The following CCDC91 variants were observed in gnomAD, a reference collection of about 807,000 sequenced individuals.
CCDC91 encodes coiled-coil domain-containing protein 91.
In CCDC91, 48 loss-of-function variants were observed where a neutral mutation model predicts 63.2. That is an observed-to-expected ratio of 0.76 (90% confidence interval 0.60 to 0.97). The LOEUF is 0.97. CCDC91 is among the 50% of genes least tolerant of loss of function. The pLI is 0.00. For synonymous variants in CCDC91, 167 were observed against 165.8 expected (o/e 1.01, Z -0.06); for missense variants, 500 against 494.6 (o/e 1.01, Z -0.10).
At chr12:28,473,313 T>G (rs1486286717) in intron 11 of CCDC91, among the ~76,000 whole-genome samples, 1 of 152,120 alleles carries the variant, frequency 6.6e-6, no homozygotes, top group African/African-American at 2.4e-5. Flanking sequence ...AGACAGAAAT[T>G]AATAGAACTG....
chr12:28,495,387 A>G (rs963213538), intron 12 of CCDC91, among the ~76,000 whole-genome samples: 1 of 151,638 alleles, frequency 6.6e-6, no homozygotes, highest in Non-Finnish European at 1.5e-5. Context: ...TTTTGTTCAT[A>G]TGATTCATCT....
chr12:28,223,516 A>G (rs977128161), intron 1 of CCDC91, among the ~76,000 whole-genome samples: 5 of 151,960 alleles, frequency 3.3e-5, no homozygotes, highest in South Asian at 2.1e-4. Flanking sequence ...ACTACCTGGC[A>G]CTCATTTCTT....
intron 3 of CCDC91, among the ~76,000 whole-genome samples, chr12:28,279,352 A>C (rs919417440): frequency 6.6e-6 from 1 of 152,136 alleles, no homozygotes; most frequent in Non-Finnish European, 1.5e-5. Flanking sequence ...CCCTCAAGTT[A>C]AGTACAGAAG....
At chr12:28,230,679 C>T (rs1944533510) in intron 1 of CCDC91, among the ~76,000 whole-genome samples, 1 of 152,008 alleles carries the variant, frequency 6.6e-6, no homozygotes, top group African/African-American at 2.4e-5. Context: ...GGCTGGAGTG[C>T]AGTGGTGTGA....
chr12:28,462,500 T>G (rs971811834), intron 11 of CCDC91, among the ~76,000 whole-genome samples: 2 of 151,942 alleles, frequency 1.3e-5, no homozygotes, highest in Non-Finnish European at 2.9e-5. Flanking sequence ...ACTAAGACAG[T>G]TGTAAGAAGC....
At chr12:28,468,447 GAA>G (rs1263780640) in intron 11 of CCDC91, among the ~76,000 whole-genome samples, 2 of 151,738 alleles carry the variant, frequency 1.3e-5, no homozygotes, top group Non-Finnish European at 1.5e-5. Context: ...AAAGCTGTAA[GAA>G]AAAGTCTCTC....
At chr12:28,244,778 G>C (rs954407417) in intron 1 of CCDC91, among the ~76,000 whole-genome samples, 1 of 151,192 alleles carries the variant, frequency 6.6e-6, no homozygotes. Flanking sequence ...CCAAGAGCAA[G>C]CAATACAAGA....
intron 8 of CCDC91, among the ~76,000 whole-genome samples, chr12:28,429,632 A>G (rs1163862051): frequency 1.3e-5 from 2 of 152,146 alleles, no homozygotes; most frequent in Non-Finnish European, 2.9e-5. Context: ...GCCTTGAAAG[A>G]CTGGCTTTTG....
intron 8 of CCDC91, among the ~76,000 whole-genome samples, chr12:28,446,833 T>C (rs1434272858): frequency 1.3e-5 from 2 of 152,132 alleles, no homozygotes; most frequent in Non-Finnish European, 2.9e-5. Context: ...AAATGTCCAC[T>C]TCAGAAAGGG....
At chr12:28,353,930 A>G (rs1943352525) in intron 6 of CCDC91, among the ~76,000 whole-genome samples, 1 of 152,270 alleles carries the variant, frequency 6.6e-6, no homozygotes, top group Non-Finnish European at 1.5e-5. Context: ...GGATCAGGAA[A>G]AACAACGAAT....
chr12:28,216,992 T>TTA (rs1197151689), intron 1 of CCDC91, among the ~76,000 whole-genome samples: 3 of 152,114 alleles, frequency 2.0e-5, no homozygotes, highest in Admixed American at 6.6e-5. Flanking sequence ...AACTAGTATA[T>TTA]GGATAAAGGA....
intron 12 of CCDC91, among the ~76,000 whole-genome samples, chr12:28,546,618 A>G (rs1943005768): frequency 1.3e-5 from 2 of 152,134 alleles, no homozygotes; most frequent in Admixed American, 1.3e-4. Context: ...TGTTCATTAC[A>G]GCCTTAATTA....
chr12:28,486,586 G>T (rs1271372290), intron 12 of CCDC91, among the ~76,000 whole-genome samples: 1 of 151,956 alleles, frequency 6.6e-6, no homozygotes, highest in Non-Finnish European at 1.5e-5. Context: ...TTTTGTCAAA[G>T]GGAGTTATGT....
chr12:28,434,679 C>G (rs1460899732), intron 8 of CCDC91, among the ~76,000 whole-genome samples: 1 of 126,218 alleles, frequency 7.9e-6, no homozygotes, highest in East Asian at 2.6e-4. Flanking sequence ...CCCTCTGCTT[C>G]TATCTTCTGG....
At chr12:28,338,246 G>C (rs1942140684) in intron 6 of CCDC91, among the ~76,000 whole-genome samples, 1 of 119,326 alleles carries the variant, frequency 8.4e-6, no homozygotes. Context: ...ACAGGTATTG[G>C]CCCTTATGGA....
chr12:28,238,592 C>T (rs541904955), intron 1 of CCDC91, among the ~76,000 whole-genome samples: 4 of 152,242 alleles, frequency 2.6e-5, no homozygotes, highest in East Asian at 1.9e-4. Flanking sequence ...CATAGAAACA[C>T]ACTTCCATAT....
At chr12:28,197,211 CT>C (rs1238396775) in intron 1 of CCDC91, among the ~76,000 whole-genome samples, 3 of 151,712 alleles carry the variant, frequency 2.0e-5, no homozygotes, top group Non-Finnish European at 4.4e-5. Flanking sequence ...GTATCATTGG[CT>C]TTTTGGGCAT....
chr12:28,450,602 A>G (rs1949756162), intron 10 of CCDC91, among the ~76,000 whole-genome samples, 184 bp downstream of exon 10: 8 of 151,822 alleles, frequency 5.3e-5, no homozygotes, highest in Admixed American at 5.2e-4. Flanking sequence ...ATCACACAAG[A>G]TAATGGTAGC....
intron 12 of CCDC91, among the ~76,000 whole-genome samples, chr12:28,540,360 A>G (rs1208727321): frequency 2.0e-5 from 3 of 152,156 alleles, no homozygotes; most frequent in Admixed American, 6.6e-5. Context: ...TCTACTGTAT[A>G]TTAAGAGAAG....
Sources: allele counts gnomAD v4.1 joint callset (sites outside exome capture counted in the v4.1 genomes callset), GRCh38; gene constraint gnomAD v4.1.1; transcripts MANE v1.5; gene names NCBI Gene and HGNC (gene_info 2026-07-23, HGNC 2026-07-21).